The following AAMDC variants were observed in gnomAD, a reference collection of about 807,000 sequenced individuals.
The protein encoded by AAMDC is adipogenesis associated Mth938 domain containing.
In AAMDC, 16 loss-of-function variants were observed where a neutral mutation model predicts 15.5. The observed-to-expected ratio is 1.03, with a 90% confidence interval of 0.70 to 1.57. AAMDC has a LOEUF of 1.57. AAMDC is among the 40% of genes most tolerant of loss of function. The pLI is 0.00. For synonymous variants in AAMDC, 51 were observed against 51.6 expected (o/e 0.99, Z 0.05); for missense variants, 141 against 144.9 (o/e 0.97, Z 0.14).
intron 2 of AAMDC, among the ~76,000 whole-genome samples, chr11:77,845,741 T>C (rs1292816526): frequency 6.6e-6 from 1 of 152,222 alleles, no homozygotes; most frequent in Non-Finnish European, 1.5e-5. Flanking sequence ...AATTTCTGTT[T>C]GGTTATTTTT....
chr11:77,894,553 C>T (rs565543943), intron 5 of AAMDC, among the ~76,000 whole-genome samples: 4 of 152,268 alleles, frequency 2.6e-5, no homozygotes, highest in African/African-American at 9.6e-5. Flanking sequence ...ACTGCAGTGC[C>T]CATTAAGCTC....
chr11:77,897,285 G>A (rs1458366588), intron 5 of AAMDC, among the ~76,000 whole-genome samples: 1 of 151,528 alleles, frequency 6.6e-6, no homozygotes, highest in Non-Finnish European at 1.5e-5. Flanking sequence ...TTTGAGTTCA[G>A]GAGTTCAAGA....
chr11:77,872,713 C>T (rs559998076), downstream of AAMDC, among the ~76,000 whole-genome samples: 1 of 152,164 alleles, frequency 6.6e-6, no homozygotes, highest in South Asian at 2.1e-4. Flanking sequence ...TTTGGGAGGC[C>T]GAGGTGGGCA....
chr11:77,887,587 G>A (rs935202395), intron 5 of AAMDC, among the ~76,000 whole-genome samples: 1 of 152,168 alleles, frequency 6.6e-6, no homozygotes, highest in African/African-American at 2.4e-5. Context: ...TTAGGTAGGA[G>A]AAGGAAATAA....
chr11:77,870,462 G>A (rs932148390), intron 3 of AAMDC, among the ~76,000 whole-genome samples: 3 of 144,332 alleles, frequency 2.1e-5, no homozygotes, highest in Non-Finnish European at 4.5e-5. Flanking sequence ...TCAGCCTCCC[G>A]AGTAGCTGGG....
At chr11:77,858,939 C>T (rs1950758802) in intron 2 of AAMDC, among the ~76,000 whole-genome samples, 1 of 152,192 alleles carries the variant, frequency 6.6e-6, no homozygotes, top group South Asian at 2.1e-4. Flanking sequence ...GCCTGCAGTG[C>T]AGGGGATTAT....
chr11:77,883,305 TA>T (rs1205039123), intron 5 of AAMDC, among the ~76,000 whole-genome samples: 3 of 152,168 alleles, frequency 2.0e-5, no homozygotes, highest in African/African-American at 7.2e-5. Flanking sequence ...TTAAGTTTTT[TA>T]AAGCAGGCTT....
intron 5 of AAMDC, among the ~76,000 whole-genome samples, chr11:77,878,158 C>T (rs192473715): frequency 5.9e-5 from 9 of 152,026 alleles, no homozygotes; most frequent in South Asian, 2.1e-4. Flanking sequence ...GTCAGGAGAT[C>T]AAGACCATCC....
chr11:77,882,176 G>A (rs759395106), intron 5 of AAMDC, among the ~76,000 whole-genome samples: 10 of 152,054 alleles, frequency 6.6e-5, no homozygotes, highest in African/African-American at 1.4e-4. Flanking sequence ...TCAGCCTCCC[G>A]AAGATTACAG....
At chr11:77,843,331 T>G (rs182721141) in intron 2 of AAMDC, among the ~76,000 whole-genome samples, 4 of 152,300 alleles carry the variant, frequency 2.6e-5, no homozygotes, top group Non-Finnish European at 5.9e-5. Flanking sequence ...TGAGTGTAAG[T>G]TGGGCAAAAC....
chr11:77,895,308 ACT>A (rs1485204423), intron 5 of AAMDC, among the ~76,000 whole-genome samples: 1 of 152,044 alleles, frequency 6.6e-6, no homozygotes, highest in African/African-American at 2.4e-5. Flanking sequence ...TAAAACAAAT[ACT>A]CTTTCCTTAT....
chr11:77,835,648 G>T (rs1949649890), intron 1 of AAMDC, among the ~76,000 whole-genome samples: 1 of 152,188 alleles, frequency 6.6e-6, no homozygotes, highest in African/African-American at 2.4e-5. Context: ...GCCAGGCGTG[G>T]TGGCTCACGC....
In AAMDC at chr11:77,897,169, C is replaced by T. The variant is rs572417747; in HGVS notation, c.329-3402C>T. ...TATGAGAGCAAAGGAATTTAAAAGGCGACAGAGAACAGTGGTGGCAAAGTT... is the reference window on the plus strand; with the variant it reads ...TATGAGAGCAAAGGAATTTAAAAGGTGACAGAGAACAGTGGTGGCAAAGTT... On this transcript the variant is annotated intron_variant, in intron 5 of 5. Coordinates refer to the AAMDC transcript ENST00000304716. 5.3e-5 allele frequency among the ~76,000 whole-genome samples: 8 copies of T among 151,650 alleles called. No homozygotes were observed. The South Asian group carries it at 6.2e-4, about 12-fold the overall frequency.
At chr11:77,859,689 A>G (rs1327723634) in intron 2 of AAMDC, among the ~76,000 whole-genome samples, 1 of 152,186 alleles carries the variant, frequency 6.6e-6, no homozygotes, top group African/African-American at 2.4e-5. Flanking sequence ...TCAGTATACA[A>G]GTTGAGGTTG....
At position 77,842,551 on chromosome 11, in the gene AAMDC, T is replaced by A; in HGVS notation, c.55T>A (p.Ser19Thr). 2.5e-6 allele frequency: 4 copies of A among 1,614,054 alleles called. No individual in the cohort carries two copies. Among genetic ancestry groups the A allele is most frequent in the Non-Finnish European group, 3.4e-6 (4 of 1,179,986 alleles). The change falls in exon 2 of 4, where the codon TCT becomes ACT. Residue 19 changes from serine (S) to threonine (T), a missense_variant. By Grantham distance (58) the Ser-to-Thr change is moderately conservative. Coordinates refer to ENST00000393427, the MANE Select transcript of AAMDC (RefSeq NM_024684.4). ...LSWGQMKVKG[S>T]NTTYKDCKVW... Reference sequence around the variant, plus strand: ...ATGGGGGCAAATGAAAGTAAAAGGCTCTAATACAACCTATAAGGACTGCAA... The same window carrying A: ...ATGGGGGCAAATGAAAGTAAAAGGCACTAATACAACCTATAAGGACTGCAA...
At chr11:77,890,711 C>T (rs1952225621) in intron 5 of AAMDC, among the ~76,000 whole-genome samples, 2 of 152,064 alleles carry the variant, frequency 1.3e-5, no homozygotes, top group Admixed American at 1.3e-4. Flanking sequence ...TTAGTGCATG[C>T]AATAGAGTAA....
chr11:77,877,448 G>A, intron 5 of AAMDC, among the ~76,000 whole-genome samples: 1 of 152,154 alleles, frequency 6.6e-6, no homozygotes, highest in East Asian at 1.9e-4. Context: ...TCTACCAATT[G>A]TTATTTAATC....
chr11:77,869,358 G>C (rs1951302712), intron 2 of AAMDC, among the ~76,000 whole-genome samples: 1 of 141,212 alleles, frequency 7.1e-6, no homozygotes, highest in Non-Finnish European at 1.5e-5. Context: ...TGTTGCCCAG[G>C]ATGGAGTGCA....
At chr11:77,843,124 C>A (rs1950003404) in intron 2 of AAMDC, among the ~76,000 whole-genome samples, 1 of 152,224 alleles carries the variant, frequency 6.6e-6, no homozygotes, top group East Asian at 1.9e-4. Context: ...CACCATTTTA[C>A]ATCTCCACTA....
Sources: allele counts gnomAD v4.1 joint callset (sites outside exome capture counted in the v4.1 genomes callset), GRCh38; gene constraint gnomAD v4.1.1; transcripts MANE v1.5; gene names NCBI Gene and HGNC (gene_info 2026-07-23, HGNC 2026-07-21).